Variants in TPD52 observed in about 807,000 individuals in gnomAD.
TPD52 encodes prostate and colon associated protein.
A neutral mutation model predicts 31.3 loss-of-function variants in TPD52; 17 were observed. The observed-to-expected ratio is 0.54, with a 90% confidence interval of 0.37 to 0.82. The LOEUF is 0.82. TPD52 is among the 40% of genes least tolerant of loss of function. The probability of loss-of-function intolerance (pLI) is 0.00; values close to 1 mark genes in which losing one functional copy is unlikely to be tolerated. For synonymous variants in TPD52, 83 were observed against 89.6 expected (o/e 0.93, Z 0.42); for missense variants, 212 against 240.1 (o/e 0.88, Z 0.77).
intron 7 of TPD52, among the ~76,000 whole-genome samples, chr8:80,040,439 C>T (rs1810271964): frequency 6.6e-6 from 1 of 152,094 alleles, no homozygotes; most frequent in Admixed American, 6.5e-5. Context: ...ATCTGCCTGC[C>T]TTGGCCTCAC....
At chr8:80,116,593 A>C (rs1807878082) in intron 1 of TPD52, among the ~76,000 whole-genome samples, 1 of 152,224 alleles carries the variant, frequency 6.6e-6, no homozygotes, top group Admixed American at 6.5e-5. Flanking sequence ...CCAATTATTC[A>C]CAAATACTTT....
intron 1 of TPD52, among the ~76,000 whole-genome samples, chr8:80,168,590 G>A (rs1231199493): frequency 6.6e-6 from 1 of 152,172 alleles, no homozygotes; most frequent in Non-Finnish European, 1.5e-5. Context: ...GTGAACACCA[G>A]GTTTAAAATC....
At chr8:80,109,512 T>G (rs1177620258) in intron 1 of TPD52, among the ~76,000 whole-genome samples, 1 of 152,176 alleles carries the variant, frequency 6.6e-6, no homozygotes, top group Non-Finnish European at 1.5e-5. Context: ...GTTCAAGCGA[T>G]TCTCCTGCCT....
intron 1 of TPD52, among the ~76,000 whole-genome samples, chr8:80,159,899 A>G (rs1811231829): frequency 6.6e-6 from 1 of 152,228 alleles, no homozygotes; most frequent in Admixed American, 6.5e-5. Context: ...ACTGATTAGA[A>G]AATGTAGTTT....
chr8:80,082,720 C>A (rs1815418078), intron 1 of TPD52, among the ~76,000 whole-genome samples: 1 of 152,086 alleles, frequency 6.6e-6, no homozygotes, highest in African/African-American at 2.4e-5. Context: ...TGTGAAGAGC[C>A]CCCTGACAGG....
intron 5 of TPD52, among the ~76,000 whole-genome samples, chr8:80,049,334 G>A (rs773946032): frequency 5.9e-5 from 9 of 152,214 alleles, no homozygotes; most frequent in Non-Finnish European, 1.0e-4. Context: ...AATGGGTGAT[G>A]TGACTGGCTC....
intron 1 of TPD52, among the ~76,000 whole-genome samples, chr8:80,126,242 G>C (rs1808586281): frequency 6.6e-6 from 1 of 152,074 alleles, no homozygotes; most frequent in African/African-American, 2.4e-5. Flanking sequence ...TTTTGAGAAA[G>C]CAAGGGGGAA....
chr8:80,141,560 C>A (rs570748172), intron 1 of TPD52, among the ~76,000 whole-genome samples: 1 of 152,298 alleles, frequency 6.6e-6, no homozygotes, highest in South Asian at 2.1e-4. Flanking sequence ...TCATGGAAGA[C>A]CCAGAGCCAG....
intron 1 of TPD52, among the ~76,000 whole-genome samples, chr8:80,134,593 G>C (rs1809258906): frequency 6.6e-6 from 1 of 152,218 alleles, no homozygotes; most frequent in African/African-American, 2.4e-5. Context: ...AGGGAGTAAA[G>C]GAGTATCCTT....
At chr8:80,061,664 A>G (rs1326136590) in intron 2 of TPD52, among the ~76,000 whole-genome samples, 2 of 152,198 alleles carry the variant, frequency 1.3e-5, no homozygotes, top group African/African-American at 4.8e-5. Flanking sequence ...AGCATGGGTG[A>G]CAGAGCAATA....
intron 2 of TPD52, among the ~76,000 whole-genome samples, chr8:80,054,605 G>A (rs1001755575): frequency 6.6e-6 from 1 of 152,082 alleles, no homozygotes; most frequent in African/African-American, 2.4e-5. Context: ...TGATTTCAAA[G>A]ACAACATGCC....
intron 1 of TPD52, among the ~76,000 whole-genome samples, chr8:80,162,168 A>C (rs961968979): frequency 2.6e-5 from 4 of 152,234 alleles, no homozygotes; most frequent in African/African-American, 7.2e-5. Context: ...GTGTCTAAAC[A>C]GAAAAGACAC....
intron 1 of TPD52, among the ~76,000 whole-genome samples, chr8:80,076,790 G>A (rs1814595896): frequency 6.6e-6 from 1 of 152,022 alleles, no homozygotes; most frequent in South Asian, 2.1e-4. Flanking sequence ...TCCTACCTCA[G>A]CCTCCCAAGT....
rs58864911 is a variant in TPD52, at chr8:80,086,877, C to CAAA, written c.20-22287_20-22285dup. The stretch of plus-strand genomic sequence containing the variant: ...CAACAAGAGTGAGACGCTGTCTCAA[C>CAAA]AAAAAAAAAAAAAAAAAAAAAAAAA... On this transcript the variant is annotated intron_variant, in intron 1 of 7. Coordinates refer to ENST00000518937, the MANE Select transcript of TPD52 (RefSeq NM_001025253.3). Among the ~76,000 whole-genome samples the CAAA allele has an allele frequency of 6.3e-3, 480 of 76,590 alleles. 10 individuals carry two copies. Among genetic ancestry groups the CAAA allele is most frequent in the Non-Finnish European group, 8.8e-3 (367 of 41,784 alleles). The allele number at this position is 76,590 out of a possible 152,430, so 50.2% of individuals were successfully genotyped here. A position where few individuals can be genotyped will look rare whatever the true frequency, so the allele number is the denominator to read the frequency against.
intron 2 of TPD52, among the ~76,000 whole-genome samples, chr8:80,054,122 T>C (rs918431521): frequency 1.3e-5 from 2 of 152,180 alleles, no homozygotes; most frequent in Non-Finnish European, 2.9e-5. Flanking sequence ...CAAGAGCCAG[T>C]GGATGAGCCC....
rs376312401 is a variant in TPD52, at chr8:80,135,103, T to C, written c.19+36322A>G. 2.6e-5 allele frequency among the ~76,000 whole-genome samples: 4 copies of C among 152,258 alleles called. No individual in the cohort carries two copies. The East Asian group carries it at 7.7e-4, about 29-fold the overall frequency. ...TTACAGAAGGGATGCACACACAGGA[T>C]GGAAACTTGCATAGATATCCCTTCA... On this transcript the variant is annotated intron_variant, in intron 1 of 7. Transcript: ENST00000518937.
intron 1 of TPD52, among the ~76,000 whole-genome samples, chr8:80,163,375 T>C (rs1314872949): frequency 6.6e-6 from 1 of 152,128 alleles, no homozygotes; most frequent in Non-Finnish European, 1.5e-5. Context: ...AGAAGACAAA[T>C]ACTGCATGAT....
intron 1 of TPD52, among the ~76,000 whole-genome samples, chr8:80,161,480 T>C (rs188158981): frequency 2.2e-3 from 342 of 152,328 alleles, no homozygotes; most frequent in Non-Finnish European, 4.4e-3. Flanking sequence ...ATACTTGAAC[T>C]GCAAGCTGGG....
chr8:80,094,379 C>G (rs889782432), intron 1 of TPD52, among the ~76,000 whole-genome samples: 2 of 142,282 alleles, frequency 1.4e-5, no homozygotes, highest in Admixed American at 1.5e-4. Flanking sequence ...CTCCCAGGCT[C>G]CTTTGCAGTT....
Sources: allele counts gnomAD v4.1 joint callset (sites outside exome capture counted in the v4.1 genomes callset), GRCh38; gene constraint gnomAD v4.1.1; transcripts MANE v1.5; gene names NCBI Gene and HGNC (gene_info 2026-07-23, HGNC 2026-07-21).